SLC35F4: variants seen among roughly 807,000 people sequenced by gnomAD.
The protein encoded by SLC35F4 is solute carrier family 35 member F4.
A neutral mutation model predicts 44.2 loss-of-function variants in SLC35F4; 24 were observed. The observed-to-expected ratio is 0.54, with a 90% CI of 0.39 to 0.76. SLC35F4 has a LOEUF of 0.76. Among genes scored for constraint, SLC35F4 ranks in the 30% least tolerant of loss-of-function variants. The pLI, the probability that SLC35F4 is intolerant of heterozygous loss-of-function variation, is 0.00. For missense variants in SLC35F4, 562 were observed against 586.1 expected (o/e 0.96, Z 0.42); for synonymous variants, 238 against 223.6 (o/e 1.06, Z -0.57).
chr14:57,749,058 A>G (rs2076823825), intron 1 of SLC35F4, among the ~76,000 whole-genome samples: 1 of 152,210 alleles, frequency 6.6e-6, no homozygotes, highest in Non-Finnish European at 1.5e-5. Context: ...AGAGCTGGTA[A>G]GCAGCTGAGC....
intron 1 of SLC35F4, among the ~76,000 whole-genome samples, chr14:57,632,189 A>T (rs549352179): frequency 6.6e-6 from 1 of 152,212 alleles, no homozygotes; most frequent in East Asian, 1.9e-4. Flanking sequence ...AACAACAAAA[A>T]GTCTATTTAA....
At chr14:57,625,821 T>C (rs1015987464) in intron 1 of SLC35F4, among the ~76,000 whole-genome samples, 2 of 152,188 alleles carry the variant, frequency 1.3e-5, no homozygotes, top group Non-Finnish European at 2.9e-5. Context: ...ATCCCATTAC[T>C]GGGTATATAC....
chr14:57,862,897 G>A (rs1290767927), intron 1 of SLC35F4, among the ~76,000 whole-genome samples: 1 of 152,098 alleles, frequency 6.6e-6, no homozygotes, highest in Non-Finnish European at 1.5e-5. Flanking sequence ...GTTCTTAAAA[G>A]GAAAATACTT....
At chr14:57,633,091 C>T (rs576718357) in intron 1 of SLC35F4, among the ~76,000 whole-genome samples, 1 of 152,220 alleles carries the variant, frequency 6.6e-6, no homozygotes, top group African/African-American at 2.4e-5. Flanking sequence ...CAATAATATT[C>T]CAATGTCCGC....
intron 3 of SLC35F4, among the ~76,000 whole-genome samples, chr14:57,586,684 C>CTCCAGCCT (rs1188873802): frequency 7.8e-6 from 1 of 128,558 alleles, no homozygotes; most frequent in Non-Finnish European, 1.6e-5. Flanking sequence ...CACCACTGCA[C>CTCCAGCCT]TCCAGCCTGG....
chr14:57,746,935 CA>C (rs1426923878), intron 1 of SLC35F4, among the ~76,000 whole-genome samples: 1 of 152,118 alleles, frequency 6.6e-6, no homozygotes, highest in African/African-American at 2.4e-5. Flanking sequence ...GAGGTATGGC[CA>C]TCTACCTGCC....
intron 1 of SLC35F4, chr14:57,630,020 A>G (rs2072688880): frequency 9.4e-6 from 5 of 533,982 alleles, no homozygotes; most frequent in South Asian, 4.1e-5. Flanking sequence ...GTTGATGTGT[A>G]TGTTCCGCTT....
In SLC35F4 at chr14:57,865,980, C is replaced by T. The variant is rs1051842489; in HGVS notation, c.-155G>A. The stretch of plus-strand genomic sequence containing the variant: ...TCCACCGCCCGGCGCAGCACCGGCT[C>T]CGCATCACAGCGGCGGCGGCGGCGG... On this transcript the variant is annotated 5_prime_UTR_variant, in exon 1 of 8. Coordinates refer to ENST00000556826, the MANE Select transcript of SLC35F4 (RefSeq NM_001306087.2). 140 of 423,520 alleles carry T rather than the reference C, an allele frequency of 3.3e-4. 2 individuals carry two copies. Among genetic ancestry groups the T allele is most frequent in the Admixed American group, 1.2e-3 (25 of 20,820 alleles). 26.2% of individuals were successfully genotyped at this position (423,520 alleles called of 1,614,324 possible).
chr14:57,657,899 G>A (rs966617940), intron 1 of SLC35F4, among the ~76,000 whole-genome samples: 2 of 152,210 alleles, frequency 1.3e-5, no homozygotes, highest in South Asian at 2.1e-4. Flanking sequence ...GTGGTATAAA[G>A]TTGGTAAGTT....
At chr14:57,619,488 T>C (rs1306694325) in intron 1 of SLC35F4, among the ~76,000 whole-genome samples, 1 of 152,028 alleles carries the variant, frequency 6.6e-6, no homozygotes. Flanking sequence ...AAGAAAGGAA[T>C]AGCATCAACA....
chr14:57,950,671 C>CTTTTTT (rs1037402012), intron 1 of SLC35F4, among the ~76,000 whole-genome samples: 3 of 79,040 alleles, frequency 3.8e-5, no homozygotes, highest in African/African-American at 1.4e-4. Flanking sequence ...TCTTTTCTTT[C>CTTTTTT]TTTCTTTTTT....
intron 1 of SLC35F4, among the ~76,000 whole-genome samples, chr14:57,652,571 C>T (rs902555922): frequency 1.3e-5 from 2 of 152,102 alleles, no homozygotes; most frequent in African/African-American, 4.8e-5. Context: ...GTGCTGCTGG[C>T]ATCTAGCACA....
chr14:57,825,427 A>G (rs962750815), intron 1 of SLC35F4, among the ~76,000 whole-genome samples: 1 of 152,122 alleles, frequency 6.6e-6, no homozygotes, highest in Non-Finnish European at 1.5e-5. Flanking sequence ...AATACTGGGT[A>G]TATGTCTTTC....
chr14:57,570,378 A>G (rs1344021048), intron 5 of SLC35F4, among the ~76,000 whole-genome samples: 1 of 152,180 alleles, frequency 6.6e-6, no homozygotes, highest in African/African-American at 2.4e-5. Flanking sequence ...TAGATACTGA[A>G]AACTAAATTG....
chr14:57,978,657 A>G (rs1426315560), intron 1 of SLC35F4, among the ~76,000 whole-genome samples: 1 of 152,222 alleles, frequency 6.6e-6, no homozygotes, highest in Non-Finnish European at 1.5e-5. Flanking sequence ...TAACTAGAAT[A>G]CAAAGGTAAA....
chr14:57,652,288 T>C (rs76782706), intron 1 of SLC35F4, among the ~76,000 whole-genome samples: 1 of 152,178 alleles, frequency 6.6e-6, no homozygotes, highest in Non-Finnish European at 1.5e-5. Flanking sequence ...AGAAACCCCA[T>C]GGACAGGCGT....
chr14:57,597,045 T>A, intron 1 of SLC35F4: 1 of 373,052 alleles, frequency 2.7e-6, no homozygotes, highest in Non-Finnish European at 4.8e-6. Flanking sequence ...TCTTGTACCA[T>A]TTAGTTAATC....
chr14:57,606,154 AC>A (rs2071152642), intron 1 of SLC35F4, among the ~76,000 whole-genome samples: 1 of 152,224 alleles, frequency 6.6e-6, no homozygotes, highest in Admixed American at 6.5e-5. Context: ...TATGAAGAAA[AC>A]AAAACTAAAA....
At chr14:57,715,194 T>C (rs1303474611) in intron 1 of SLC35F4, among the ~76,000 whole-genome samples, 2 of 152,074 alleles carry the variant, frequency 1.3e-5, no homozygotes, top group Non-Finnish European at 1.5e-5. Flanking sequence ...GGCAGCGCAG[T>C]TCCAGGTTGG....
Sources: allele counts gnomAD v4.1 joint callset (sites outside exome capture counted in the v4.1 genomes callset), GRCh38; gene constraint gnomAD v4.1.1; transcripts MANE v1.5; gene names NCBI Gene and HGNC (gene_info 2026-07-23, HGNC 2026-07-21).